GTPBP4: variants seen among roughly 807,000 people sequenced by gnomAD.
The protein encoded by GTPBP4 is GTP-binding protein 4.
A neutral mutation model predicts 81.7 loss-of-function variants in GTPBP4; 15 were observed. The observed-to-expected ratio is 0.18, with a 90% CI of 0.12 to 0.28. The LOEUF (loss-of-function observed/expected upper bound fraction) is 0.28. GTPBP4 is among the 10% of genes least tolerant of loss of function. The probability of loss-of-function intolerance (pLI) is 1.00; values close to 1 mark genes in which losing one functional copy is unlikely to be tolerated. For synonymous variants in GTPBP4, 272 were observed against 274.6 expected (o/e 0.99, Z 0.09); for missense variants, 847 against 793.8 (o/e 1.07, Z -0.81).
intron 4 of GTPBP4, 139 bp downstream of exon 4, chr10:996,381 A>G: frequency 1.6e-6 from 1 of 618,924 alleles, no homozygotes; most frequent in Non-Finnish European, 2.7e-6. Context: ...ACCTATGAGA[A>G]ACAGTAATAG....
intron 16 of GTPBP4, 102 bp downstream of exon 16, chr10:1,015,998 G>A (rs775771214): frequency 1.8e-6 from 2 of 1,084,000 alleles, no homozygotes; most frequent in Non-Finnish European, 2.7e-6. Context: ...AGGAACTATG[G>A]CAGGGGTTGT....
intron 13 of GTPBP4, 35 bp downstream of exon 13, chr10:1,010,555 CT>C: frequency 2.6e-6 from 3 of 1,141,538 alleles, no homozygotes; most frequent in Non-Finnish European, 4.0e-6. Flanking sequence ...GATTGTTTTC[CT>C]TTTTATTATA....
At position 992,568 on chromosome 10, in the gene GTPBP4, T is replaced by G; in HGVS notation, c.128T>G (p.Ile43Ser). The change falls in exon 2 of 17, where the codon ATT becomes AGT. Residue 43 changes from isoleucine to serine, a missense_variant. Coordinates refer to ENST00000360803, the MANE Select transcript of GTPBP4 (RefSeq NM_012341.3). ...CATAAACATTACCAAATACATCGCATTAGACATTTTTACATGAGAAAAGTC... is the reference window on the plus strand; with the variant it reads ...CATAAACATTACCAAATACATCGCAGTAGACATTTTTACATGAGAAAAGTC... ...VIHKHYQIHR[I>S]RHFYMRKVKF... 2 of 1,595,554 alleles carry G rather than the reference T, an allele frequency of 1.3e-6. No individual in the cohort carries two copies. The highest frequency in any genetic ancestry group is 2.2e-5 in the South Asian group (2 of 90,506).
intron 16 of GTPBP4, 67 bp from the exon 17 acceptor site, chr10:1,017,008 T>C: frequency 1.5e-6 from 2 of 1,330,142 alleles, no homozygotes; most frequent in South Asian, 1.3e-5. Context: ...TACCCAGTAG[T>C]TGAAATTCAG....
intron 15 of GTPBP4, among the ~76,000 whole-genome samples, chr10:1,014,663 AAAAG>A (rs1222183067): frequency 2.0e-5 from 3 of 152,158 alleles, no homozygotes; most frequent in Non-Finnish European, 2.9e-5. Context: ...CATCTCAAAA[AAAAG>A]AAAGAAAGAA....
chr10:997,103 A>G (rs1181210672), intron 4 of GTPBP4, 105 bp from the exon 5 acceptor site: 3 of 732,382 alleles, frequency 4.1e-6, no homozygotes, highest in Non-Finnish European at 7.3e-6. Flanking sequence ...AGTTGGAGTA[A>G]GATGAATATC....
At position 1,017,868 on chromosome 10, in the gene GTPBP4, G is replaced by A. The variant is rs1004263262; in HGVS notation, c.*641G>A. ...AATATGGGCATTCTCCTATTTCTGT[G>A]GCCCGTCCCTGAAGTTACATGTTCA... On this transcript the variant is annotated 3_prime_UTR_variant, in exon 17 of 17. Coordinates refer to ENST00000360803, the MANE Select transcript of GTPBP4 (RefSeq NM_012341.3). 2 of 152,150 alleles carry A rather than the reference G, an allele frequency of 1.3e-5. No individual in the cohort carries two copies. The highest frequency in any genetic ancestry group is 2.9e-5 in the Non-Finnish European group (2 of 68,034). The allele number at this position is 152,150 out of a possible 1,614,324, so 9.4% of individuals were successfully genotyped here.
chr10:1,011,908 C>A (rs545118900), intron 13 of GTPBP4, among the ~76,000 whole-genome samples: 1 of 152,394 alleles, frequency 6.6e-6, no homozygotes, highest in Admixed American at 6.5e-5. Context: ...GTGCCATCCC[C>A]TTCCACGAGG....
chr10:990,276 G>A (rs1342566162), intron 1 of GTPBP4, among the ~76,000 whole-genome samples: 1 of 151,794 alleles, frequency 6.6e-6, no homozygotes, highest in Non-Finnish European at 1.5e-5. Flanking sequence ...ATTGTTTGGT[G>A]ATTGGAAGTA....
chr10:1,001,260 G>A (rs1482246554), intron 8 of GTPBP4, among the ~76,000 whole-genome samples: 2 of 152,206 alleles, frequency 1.3e-5, no homozygotes, highest in Non-Finnish European at 2.9e-5. Context: ...TATTTGATGG[G>A]TTGGACTTTT....
rs1002257816 is a variant in GTPBP4, at chr10:1,019,810, T to G, written c.*2583T>G. 3.1e-6 allele frequency: 5 copies of G among 1,613,834 alleles called. 1 individual carries two copies. In the Middle Eastern group the frequency reaches 4.9e-4, roughly 159 times the overall value. ...TTTGCCTTGTGGTGATAGATTGTCATGAACACAATGTCCTCTGGAGAAATC... is the reference window on the plus strand; with the variant it reads ...TTTGCCTTGTGGTGATAGATTGTCAGGAACACAATGTCCTCTGGAGAAATC... On this transcript the variant is annotated 3_prime_UTR_variant, in exon 17 of 17. Coordinates refer to ENST00000360803, the MANE Select transcript of GTPBP4 (RefSeq NM_012341.3).
In GTPBP4 at chr10:988,462, GTGCATACGGC is replaced by G. The variant is rs1164444271; in HGVS notation, c.-14_-5del. 6.2e-7 allele frequency: 1 copy of G among 1,611,228 alleles called. No individual in the cohort carries two copies. Among genetic ancestry groups the G allele is most frequent in the African/African-American group, 1.3e-5 (1 of 74,916 alleles). On this transcript the variant is annotated 5_prime_UTR_variant, in exon 1 of 17. Coordinates refer to ENST00000360803, the MANE Select transcript of GTPBP4 (RefSeq NM_012341.3). ...AGTTCCGGGAGTGCCAAGTACCCGCGTGCATACGGCTGCCGGCATGGCACATTACAACTTC... is the reference window on the plus strand; with the variant it reads ...AGTTCCGGGAGTGCCAAGTACCCGCGTGCCGGCATGGCACATTACAACTTC...
chr10:999,199 A>T (rs537409728), intron 6 of GTPBP4, 104 bp downstream of exon 6: 2 of 684,542 alleles, frequency 2.9e-6, no homozygotes. Flanking sequence ...GTCCACTGCA[A>T]CCTTCACCTC....
At chr10:1,007,940 A>G (rs764895465) in intron 10 of GTPBP4, 20 of 517,998 alleles carry the variant, frequency 3.9e-5, no homozygotes, top group Non-Finnish European at 5.4e-5. Flanking sequence ...TTTGTATTAC[A>G]AAGGTTGGAT....
Position 1,019,783 on chromosome 10 carries a change from AT to A in GTPBP4, c.*2560del. 1 of 1,613,986 alleles carries A rather than the reference AT, an allele frequency of 6.2e-7. No individual in the cohort carries two copies. The highest frequency in any genetic ancestry group is 8.5e-7 in the Non-Finnish European group (1 of 1,180,000). On this transcript the variant is annotated 3_prime_UTR_variant, in exon 17 of 17. Coordinates refer to ENST00000360803, the MANE Select transcript of GTPBP4 (RefSeq NM_012341.3). ...TCATGCTCTCCCCAAATTCTGTCTGATTTTGCCTTGTGGTGATAGATTGTCA... is the reference window on the plus strand; with the variant it reads ...TCATGCTCTCCCCAAATTCTGTCTGATTTGCCTTGTGGTGATAGATTGTCA...
chr10:1,006,945 T>C, intron 9 of GTPBP4, 73 bp from the exon 10 acceptor site: 1 of 905,826 alleles, frequency 1.1e-6, no homozygotes, highest in Non-Finnish European at 1.8e-6. Context: ...GATCTGTGGC[T>C]CCTCCTGGAA....
chr10:994,564 C>T (rs1831506034), intron 2 of GTPBP4, among the ~76,000 whole-genome samples: 1 of 152,132 alleles, frequency 6.6e-6, no homozygotes. Flanking sequence ...AGCCACAGTG[C>T]CTGGCCAAGA....
chr10:1,008,459 C>T (rs1589029322), intron 10 of GTPBP4: 2 of 326,470 alleles, frequency 6.1e-6, no homozygotes, highest in Non-Finnish European at 6.0e-6. Flanking sequence ...TTTGGATAGT[C>T]TTCACCGTGT....
chr10:1,015,395 T>A (rs61833307), intron 15 of GTPBP4, among the ~76,000 whole-genome samples: 9 of 35,346 alleles, frequency 2.5e-4, no homozygotes, highest in East Asian at 1.2e-3. Context: ...AGCCTGGGAG[T>A]GGACCTGGGG....
Sources: gnomAD v4.1 joint callset for allele counts (sites outside exome capture counted in the v4.1 genomes callset) on GRCh38, gnomAD v4.1.1 for gene constraint, MANE v1.5 for transcripts, NCBI Gene and HGNC (gene_info 2026-07-23, HGNC 2026-07-21) for gene names.